The following B3GLCT variants were observed in gnomAD, a reference collection of about 807,000 sequenced individuals.
B3GLCT encodes beta 3-glucosyltransferase.
B3GLCT carries 65 observed loss-of-function variants against 63.4 expected under a neutral mutation model. That is an observed-to-expected ratio of 1.03 (90% CI 0.84 to 1.26). B3GLCT has a LOEUF of 1.26. Ranked by LOEUF, B3GLCT falls within the 50% of genes most tolerant of loss-of-function variation. The pLI, the probability that B3GLCT is intolerant of heterozygous loss-of-function variation, is 0.00. For missense variants in B3GLCT, 577 were observed against 604.8 expected (o/e 0.95, Z 0.48); for synonymous variants, 233 against 219.2 (o/e 1.06, Z -0.55).
intron 1 of B3GLCT, among the ~76,000 whole-genome samples, chr13:31,206,496 T>A (rs1359747468): frequency 2.2e-4 from 32 of 143,604 alleles, no homozygotes; most frequent in African/African-American, 8.2e-4. Flanking sequence ...ATCCCAGCAC[T>A]TTGGGAGGCT....
chr13:31,265,576 A>T (rs993275162), intron 7 of B3GLCT, among the ~76,000 whole-genome samples: 5 of 152,228 alleles, frequency 3.3e-5, no homozygotes, highest in South Asian at 4.1e-4. Context: ...ATTTGGCCTA[A>T]CAATTCCACA....
intron 3 of B3GLCT, among the ~76,000 whole-genome samples, chr13:31,223,881 C>T (rs562661033): frequency 1.3e-5 from 2 of 152,268 alleles, no homozygotes; most frequent in East Asian, 3.9e-4. Flanking sequence ...GGCTCACCTC[C>T]AGTTTCATGA....
intron 12 of B3GLCT, among the ~76,000 whole-genome samples, chr13:31,293,512 T>C (rs920143091): frequency 6.6e-6 from 1 of 152,244 alleles, no homozygotes; most frequent in Non-Finnish European, 1.5e-5. Context: ...ATATTTAGGA[T>C]AGTTAGCTCT....
At chr13:31,288,582 C>T (rs1053308766) in intron 12 of B3GLCT, among the ~76,000 whole-genome samples, 1 of 152,198 alleles carries the variant, frequency 6.6e-6, no homozygotes, top group Non-Finnish European at 1.5e-5. Context: ...CAAAATTTCA[C>T]AGCTTCAGCT....
intron 12 of B3GLCT, among the ~76,000 whole-genome samples, chr13:31,301,748 T>G (rs1426614221): frequency 6.6e-6 from 1 of 152,240 alleles, no homozygotes; most frequent in Non-Finnish European, 1.5e-5. Context: ...TATCTTCTTG[T>G]CTTTAAAAGT....
intron 10 of B3GLCT, among the ~76,000 whole-genome samples, chr13:31,279,288 GA>G (rs1326213591): frequency 6.6e-6 from 1 of 151,996 alleles, no homozygotes; most frequent in Non-Finnish European, 1.5e-5. Context: ...TGGGGTGTTG[GA>G]TTTTTTTTTC....
chr13:31,229,118 T>G, intron 3 of B3GLCT, 67 bp from the exon 4 acceptor site: 1 of 1,053,188 alleles, frequency 9.5e-7, no homozygotes, highest in East Asian at 2.6e-5. Flanking sequence ...TTTTTTCACT[T>G]GTTTTCAAGT....
intron 7 of B3GLCT, among the ~76,000 whole-genome samples, chr13:31,264,490 G>A (rs1375544989): frequency 1.3e-5 from 2 of 152,164 alleles, no homozygotes; most frequent in South Asian, 2.1e-4. Flanking sequence ...GGAAAAAAAA[G>A]CAAAATAAAT....
chr13:31,324,664 A>G lies in B3GLCT; in HGVS notation c.1329+769A>G, dbSNP rs941773108. ...TTTTTGAAACTTGAAGTGTGTATGC[A>G]TAAGTATTTTAGATGCCTTCTCTTA... On this transcript the variant is annotated intron_variant, in intron 14 of 14. Transcript: ENST00000343307. Among the ~76,000 whole-genome samples the G allele has an allele frequency of 9.2e-5, 14 of 152,360 alleles. No individual in the cohort carries two copies. The East Asian group carries it at 1.5e-3, about 17-fold the overall frequency.
At chr13:31,271,281 A>G (rs1390796391) in intron 8 of B3GLCT, among the ~76,000 whole-genome samples, 1 of 152,188 alleles carries the variant, frequency 6.6e-6, no homozygotes, top group East Asian at 1.9e-4. Context: ...AGACTCATCC[A>G]TGTTGATTCA....
At chr13:31,315,264 A>C (rs1874937217) in intron 12 of B3GLCT, among the ~76,000 whole-genome samples, 1 of 152,222 alleles carries the variant, frequency 6.6e-6, no homozygotes, top group African/African-American at 2.4e-5. Context: ...CAGGAAGATG[A>C]ATGAAAGTTT....
intron 7 of B3GLCT, among the ~76,000 whole-genome samples, chr13:31,265,441 A>C (rs995822093): frequency 6.6e-6 from 1 of 152,162 alleles, no homozygotes; most frequent in South Asian, 2.1e-4. Flanking sequence ...TACGGCCCAC[A>C]TTGTAGGTAG....
In B3GLCT at chr13:31,241,580, T is replaced by A. The variant is rs137915082; in HGVS notation, c.271-5443T>A. Reference sequence around the variant, plus strand: ...TCATTCTAGTTGGGGGAGCAGGTCATTCCACTGGTTGAGTTGCTGTATGAA... The same window carrying A: ...TCATTCTAGTTGGGGGAGCAGGTCAATCCACTGGTTGAGTTGCTGTATGAA... On this transcript the variant is annotated intron_variant, in intron 4 of 14. Transcript: ENST00000343307. Among the ~76,000 whole-genome samples the A allele has an allele frequency of 1.2e-4, 19 of 152,344 alleles. No homozygotes were observed. The East Asian group carries it at 3.7e-3, about 29-fold the overall frequency.
intron 6 of B3GLCT, among the ~76,000 whole-genome samples, chr13:31,252,033 A>G (rs184159940): frequency 2.0e-5 from 3 of 152,330 alleles, no homozygotes; most frequent in East Asian, 1.9e-4. Context: ...CAGAAACCCT[A>G]CAAGCCAGAA....
chr13:31,324,604 A>G, intron 14 of B3GLCT, among the ~76,000 whole-genome samples: 1 of 152,250 alleles, frequency 6.6e-6, no homozygotes, highest in East Asian at 1.9e-4. Flanking sequence ...CCATAGATCC[A>G]TACCCATCTA....
At chr13:31,290,235 T>C (rs927037044) in intron 12 of B3GLCT, among the ~76,000 whole-genome samples, 4 of 152,248 alleles carry the variant, frequency 2.6e-5, no homozygotes, top group Non-Finnish European at 5.9e-5. Flanking sequence ...ATGGTGTTTA[T>C]GTGCCACATT....
chr13:31,204,056 C>T (rs1172415374), intron 1 of B3GLCT, among the ~76,000 whole-genome samples: 1 of 152,184 alleles, frequency 6.6e-6, no homozygotes, highest in African/African-American at 2.4e-5. Flanking sequence ...GAGCTTGCAG[C>T]CCGAAAGGCA....
intron 12 of B3GLCT, among the ~76,000 whole-genome samples, chr13:31,313,902 G>A (rs1874855611): frequency 6.6e-6 from 1 of 152,168 alleles, no homozygotes; most frequent in African/African-American, 2.4e-5. Context: ...TCCCCATGCT[G>A]TGTGCAGTCT....
intron 10 of B3GLCT, among the ~76,000 whole-genome samples, chr13:31,282,491 A>T (rs910913131): frequency 1.3e-5 from 2 of 152,050 alleles, no homozygotes; most frequent in Non-Finnish European, 2.9e-5. Flanking sequence ...ATACAAAAAA[A>T]ATTAGCCGGG....
Sources: gnomAD v4.1 joint callset for allele counts (sites outside exome capture counted in the v4.1 genomes callset) on GRCh38, gnomAD v4.1.1 for gene constraint, MANE v1.5 for transcripts, NCBI Gene and HGNC (gene_info 2026-07-23, HGNC 2026-07-21) for gene names.